Variants in ZNF536 observed in about 807,000 individuals in gnomAD.
ZNF536 encodes the protein zinc finger protein 536.
ZNF536 carries 13 observed loss-of-function variants against 84.5 expected under a neutral mutation model. The observed-to-expected ratio is 0.15, with a 90% CI of 0.10 to 0.24. The LOEUF (loss-of-function observed/expected upper bound fraction) is 0.24, where lower values mean the gene tolerates loss of function less well. Ranked by LOEUF, ZNF536 falls within the 10% of genes least tolerant of loss-of-function variation. The probability of loss-of-function intolerance (pLI) is 1.00; values close to 1 mark genes in which losing one functional copy is unlikely to be tolerated. For missense variants in ZNF536, 1,536 were observed against 1,747.5 expected (o/e 0.88, Z 2.16); for synonymous variants, 811 against 742.5 (o/e 1.09, Z -1.50).
In ZNF536 at chr19:30,649,663, G is replaced by T. The variant is rs377025711; in HGVS notation, c.170-61094G>T. 2.3e-3 allele frequency among the ~76,000 whole-genome samples: 348 copies of T among 150,974 alleles called. 1 individual carries two copies. Among genetic ancestry groups the T allele is most frequent in the Middle Eastern group, 6.8e-3 (2 of 292 alleles). On this transcript the variant is annotated intron_variant, in intron 1 of 1. Coordinates refer to the ZNF536 transcript ENST00000592773. ...CACAGGAACAGCCAGTAGCCCCTTTGGGGTCACAGGAAAACAATAGACTTG... is the reference window on the plus strand; with the variant it reads ...CACAGGAACAGCCAGTAGCCCCTTTTGGGTCACAGGAAAACAATAGACTTG...
At chr19:30,650,665 A>G (rs902341463) in intron 1 of ZNF536, among the ~76,000 whole-genome samples, 5 of 152,182 alleles carry the variant, frequency 3.3e-5, no homozygotes, top group African/African-American at 1.2e-4. Context: ...AGAAAGAGGC[A>G]ACACATGACA....
intron 1 of ZNF536, among the ~76,000 whole-genome samples, chr19:30,581,694 T>C (rs1297175505): frequency 2.6e-5 from 4 of 151,926 alleles, no homozygotes; most frequent in Non-Finnish European, 5.9e-5. Flanking sequence ...TCTCAGCACT[T>C]TGGGAGGCCG....
chr19:30,475,769 C>G (rs527945107), intron 2 of ZNF536, among the ~76,000 whole-genome samples: 1 of 152,192 alleles, frequency 6.6e-6, no homozygotes, highest in Admixed American at 6.5e-5. Context: ...TGTACTGGCT[C>G]TGCTGTGCTT....
intron 1 of ZNF536, among the ~76,000 whole-genome samples, chr19:30,606,217 T>TAAA (rs1174265042): frequency 4.4e-4 from 25 of 56,406 alleles, no homozygotes; most frequent in African/African-American, 8.6e-4. Flanking sequence ...TAAAATAAAA[T>TAAA]ATAAAATAAA....
chr19:30,340,663 C>G (rs2047537412), intron 2 of ZNF536, among the ~76,000 whole-genome samples: 1 of 152,154 alleles, frequency 6.6e-6, no homozygotes, highest in East Asian at 1.9e-4. Context: ...CCTACCTGCA[C>G]ATGTACACAA....
chr19:30,332,287 GTCTTC>G (rs1198522808), intron 2 of ZNF536, among the ~76,000 whole-genome samples: 1 of 152,130 alleles, frequency 6.6e-6, no homozygotes, highest in African/African-American at 2.4e-5. Flanking sequence ...TCTGGCCCTT[GTCTTC>G]TCTTCTCTGA....
At chr19:30,560,954 G>A (rs1362560386), downstream of ZNF536, among the ~76,000 whole-genome samples, 1 of 152,216 alleles carries the variant, frequency 6.6e-6, no homozygotes, top group Non-Finnish European at 1.5e-5. Context: ...ACTCTGCACA[G>A]CTATTTCATT....
chr19:30,426,788 G>A (rs1026104310), intron 1 of ZNF536, among the ~76,000 whole-genome samples: 2 of 152,094 alleles, frequency 1.3e-5, no homozygotes, highest in East Asian at 1.9e-4. Context: ...CGTGGGGCCC[G>A]GCAGGGGGAA....
intron 1 of ZNF536, among the ~76,000 whole-genome samples, chr19:30,614,937 T>C (rs996675996): frequency 2.7e-5 from 2 of 73,964 alleles, no homozygotes; most frequent in Non-Finnish European, 2.8e-5. Context: ...TTCTCCCCCT[T>C]TTCAATTTTT....
At chr19:30,408,284 C>T (rs2050346693) in intron 1 of ZNF536, among the ~76,000 whole-genome samples, 1 of 152,152 alleles carries the variant, frequency 6.6e-6, no homozygotes, top group Non-Finnish European at 1.5e-5. Flanking sequence ...AAATTGGCCA[C>T]TAGTATAATT....
At chr19:30,315,022 C>A (rs2046634336) in intron 2 of ZNF536, among the ~76,000 whole-genome samples, 1 of 152,238 alleles carries the variant, frequency 6.6e-6, no homozygotes, top group Non-Finnish European at 1.5e-5. Context: ...CTACTAGTTT[C>A]TCTTCCATGC....
chr19:30,352,905 G>A (rs1346708605), intron 3 of ZNF536, among the ~76,000 whole-genome samples: 4 of 152,168 alleles, frequency 2.6e-5, no homozygotes, highest in East Asian at 3.8e-4. Context: ...CTGTTATTTT[G>A]AGTAGTTTTG....
At chr19:30,486,783 A>G (rs565260530) in intron 2 of ZNF536, among the ~76,000 whole-genome samples, 4 of 152,232 alleles carry the variant, frequency 2.6e-5, no homozygotes, top group East Asian at 3.9e-4. Context: ...AACTTCTTAC[A>G]TGTATTTTCT....
chr19:30,584,675 C>G (rs1230084418), intron 1 of ZNF536, among the ~76,000 whole-genome samples: 1 of 152,186 alleles, frequency 6.6e-6, no homozygotes, highest in Non-Finnish European at 1.5e-5. Context: ...CACAGGTCTC[C>G]CTCCTCCCTG....
chr19:30,656,797 C>T (rs114675006), intron 1 of ZNF536, among the ~76,000 whole-genome samples: 1 of 152,334 alleles, frequency 6.6e-6, no homozygotes, highest in African/African-American at 2.4e-5. Context: ...TGCCCCTGGA[C>T]TTGGAGGGCC....
intron 1 of ZNF536, among the ~76,000 whole-genome samples, chr19:30,410,954 G>A (rs750907071): frequency 2.6e-5 from 4 of 152,086 alleles, no homozygotes; most frequent in Non-Finnish European, 4.4e-5. Flanking sequence ...TTTGACACTA[G>A]CATTTATATA....
intron 3 of ZNF536, among the ~76,000 whole-genome samples, chr19:30,363,602 T>C (rs1017563661): frequency 3.3e-5 from 5 of 151,674 alleles, no homozygotes; most frequent in Admixed American, 2.0e-4. Flanking sequence ...ACACAACCAG[T>C]GCCACCTCCG....
intron 1 of ZNF536, among the ~76,000 whole-genome samples, chr19:30,700,254 CTT>C (rs760967817): frequency 7.0e-5 from 9 of 128,088 alleles, no homozygotes; most frequent in African/African-American, 1.5e-4. Context: ...CTCTCTCTCT[CTT>C]TCTTTCTTTC....
chr19:30,521,959 T>TA (rs2044336461), intron 2 of ZNF536, among the ~76,000 whole-genome samples: 1 of 152,054 alleles, frequency 6.6e-6, no homozygotes, highest in Non-Finnish European at 1.5e-5. Flanking sequence ...AAAACTTAGC[T>TA]AAAAGTGTCA....
Sources: allele counts gnomAD v4.1 joint callset (sites outside exome capture counted in the v4.1 genomes callset), GRCh38; gene constraint gnomAD v4.1.1; transcripts MANE v1.5; gene names NCBI Gene and HGNC (gene_info 2026-07-23, HGNC 2026-07-21).